Variants in AEN observed in about 807,000 individuals in gnomAD.
AEN encodes the protein apoptosis enhancing nuclease.
In AEN, 21 loss-of-function variants were observed where a neutral mutation model predicts 17.7. The observed-to-expected ratio is 1.19, with a 90% CI of 0.84 to 1.71. The LOEUF is 1.71. Ranked by LOEUF, AEN falls within the 40% of genes most tolerant of loss-of-function variation. The pLI, the probability that AEN is intolerant of heterozygous loss-of-function variation, is 0.00. For missense variants in AEN, 462 were observed against 435.9 expected, an observed-to-expected ratio of 1.06 and a Z score of -0.53; for synonymous variants, 190 against 173.0, an observed-to-expected ratio of 1.10 and a Z score of -0.77.
At chr15:88,611,931 C>T in the AEN span, 8 of 498,608 alleles carry the variant, frequency 1.6e-5, no homozygotes, top group Middle Eastern at 3.9e-4. Context: ...TGCCAGCCAT[C>T]GCAGCGGGGT....
At chr15:88,607,766 A>T in the AEN span, among the ~76,000 whole-genome samples, 2 of 152,014 alleles carry the variant, frequency 1.3e-5, no homozygotes, top group Non-Finnish European at 2.9e-5. Flanking sequence ...ATTTTTATTC[A>T]TTATAATTTC....
At chr15:88,612,092 G>C in the AEN span, among the ~76,000 whole-genome samples, 1,743 of 152,332 alleles carry the variant, frequency 0.011, 13 homozygotes, top group Middle Eastern at 0.02. Context: ...GGTGTGAGCA[G>C]GGAAGTGGGG....
In AEN at chr15:88,631,202, A is replaced by G. The variant is rs548811085; in HGVS notation, c.*908A>G. The G allele has an allele frequency of 5.5e-5, 25 of 456,312 alleles. No individual in the cohort carries two copies. In the East Asian group the frequency reaches 1.7e-3, roughly 32 times the overall value. 28.3% of individuals were successfully genotyped at this position (456,312 alleles called of 1,614,324 possible). ...GATTGTGCCTGACCTTTATTTATTTATTAACAGCAGGGCCACTCGTCTAGG... is the reference window on the plus strand; with the variant it reads ...GATTGTGCCTGACCTTTATTTATTTGTTAACAGCAGGGCCACTCGTCTAGG... On this transcript the variant is annotated 3_prime_UTR_variant, in exon 4 of 4. Coordinates refer to ENST00000332810, the MANE Select transcript of AEN (RefSeq NM_022767.4).
intron 1 of AEN, among the ~76,000 whole-genome samples, chr15:88,624,009 G>A (rs1431032290): frequency 6.6e-6 from 1 of 152,244 alleles, no homozygotes; most frequent in Non-Finnish European, 1.5e-5. Flanking sequence ...TACCTGGAAG[G>A]TTACTGTTGT....
chr15:88,628,484 A>G (rs1439197343), intron 2 of AEN: 1 of 152,506 alleles, frequency 6.6e-6, no homozygotes, highest in African/African-American at 2.4e-5. Context: ...GGAGGTACAC[A>G]TTGTGCAGGC....
At chr15:88,617,400 C>G (rs749377807), upstream of AEN, among the ~76,000 whole-genome samples, 1 of 152,096 alleles carries the variant, frequency 6.6e-6, no homozygotes, top group Non-Finnish European at 1.5e-5. Context: ...ATTATAGGTG[C>G]CCACGACCAT....
At position 88,630,673 on chromosome 15, in the gene AEN, A is replaced by G. The variant is rs2057916870; in HGVS notation, c.*379A>G. ...TCATCATGCTGTGCTAATGAAAGGG[A>G]TCATATCATCCTCTCTGGGGATGGT... On this transcript the variant is annotated 3_prime_UTR_variant, in exon 4 of 4. Coordinates refer to ENST00000332810, the MANE Select transcript of AEN (RefSeq NM_022767.4). The surrounding 1 kb of genome is among the most constrained non-coding windows in gnomAD (Gnocchi z 5.1). The G allele has an allele frequency of 3.9e-6, 1 of 256,670 alleles. No homozygotes were observed. Among genetic ancestry groups the G allele is most frequent in the African/African-American group, 2.2e-5 (1 of 45,412 alleles). 15.9% of individuals were successfully genotyped at this position (256,670 alleles called of 1,614,324 possible).
chr15:88,630,404 C>T lies in AEN; in HGVS notation c.*110C>T. The T allele has an allele frequency of 1.9e-6, 2 of 1,038,284 alleles. No homozygotes were observed. Among genetic ancestry groups the T allele is most frequent in the Non-Finnish European group, 2.8e-6 (2 of 702,402 alleles). The allele number at this position is 1,038,284 out of a possible 1,614,324, so 64.3% of individuals were successfully genotyped here. Reference sequence around the variant, plus strand: ...GCAGGGTGGGGCAGGATGCAGTGAGCCAGCCCCAGGGCCAGAGGAGTAGGG... The same window carrying T: ...GCAGGGTGGGGCAGGATGCAGTGAGTCAGCCCCAGGGCCAGAGGAGTAGGG... On this transcript the variant is annotated 3_prime_UTR_variant, in exon 4 of 4. Coordinates refer to ENST00000332810, the MANE Select transcript of AEN (RefSeq NM_022767.4). The surrounding 1 kb of genome is among the most constrained non-coding windows in gnomAD (Gnocchi z 5.1).
chr15:88,629,303 C>T lies in AEN; in HGVS notation c.618C>T (p.His206=). Residue 206 remains histidine, a synonymous_variant, in exon 3 of 4, where the codon CAC becomes CAT. Coordinates refer to ENST00000332810, the MANE Select transcript of AEN (RefSeq NM_022767.4). ...ACTTCCAGGCGCTCAAGTATGTCCA[C>T]CCTCGGAGCCAGACCCGGGATACGA... ...HNDFQALKYV[H]PRSQTRDTTY... 6.2e-7 allele frequency: 1 copy of T among 1,614,150 alleles called. No homozygotes were observed. Among genetic ancestry groups the T allele is most frequent in the Non-Finnish European group, 8.5e-7 (1 of 1,180,006 alleles).
At chr15:88,611,511 A>T in the AEN span, among the ~76,000 whole-genome samples, 1 of 150,702 alleles carries the variant, frequency 6.6e-6, no homozygotes, top group Admixed American at 6.6e-5. Context: ...TCACTTGAAC[A>T]CTCGAGTCTG....
chr15:88,624,046 A>T (rs1158875697), intron 1 of AEN, among the ~76,000 whole-genome samples: 1 of 152,242 alleles, frequency 6.6e-6, no homozygotes, highest in Non-Finnish European at 1.5e-5. Flanking sequence ...AGCCTCTTCC[A>T]GGAAGCCTCC....
At position 88,630,861 on chromosome 15, in the gene AEN, C is replaced by T; in HGVS notation, c.*567C>T. On this transcript the variant is annotated 3_prime_UTR_variant, in exon 4 of 4. Coordinates refer to ENST00000332810, the MANE Select transcript of AEN (RefSeq NM_022767.4). The surrounding 1 kb of genome is among the most constrained non-coding windows in gnomAD (Gnocchi z 5.1). ...TTAAGTCCTAAAGGAGGCATTTCTT[C>T]CCCACCTCCCTGACCTGGAACTCTG... 3.7e-6 allele frequency: 1 copy of T among 268,894 alleles called. No homozygotes were observed. The highest frequency in any genetic ancestry group is 3.6e-5 in the South Asian group (1 of 27,490). The allele number at this position is 268,894 out of a possible 1,614,324, so 16.7% of individuals were successfully genotyped here. A position where few individuals can be genotyped will look rare whatever the true frequency, so the allele number is the denominator to read the frequency against.
the AEN span, among the ~76,000 whole-genome samples, chr15:88,616,163 G>A: frequency 6.6e-6 from 1 of 151,384 alleles, no homozygotes; most frequent in East Asian, 2.0e-4. Context: ...GCGCCATCTC[G>A]GCTCACTGCA....
At chr15:88,621,035 G>A (rs1440743018), upstream of AEN, among the ~76,000 whole-genome samples, 1 of 152,216 alleles carries the variant, frequency 6.6e-6, no homozygotes, top group Non-Finnish European at 1.5e-5. Context: ...AGGCTTACAG[G>A]AGCCCACATC....
chr15:88,631,768 G>T lies in AEN; in HGVS notation c.*1474G>T, dbSNP rs920677991. 1 of 152,384 alleles carries T rather than the reference G, an allele frequency of 6.6e-6. No individual in the cohort carries two copies. Among genetic ancestry groups the T allele is most frequent in the African/African-American group, 2.4e-5 (1 of 41,448 alleles). The allele number at this position is 152,384 out of a possible 1,614,324, so 9.4% of individuals were successfully genotyped here. On this transcript the variant is annotated 3_prime_UTR_variant, in exon 4 of 4. Coordinates refer to ENST00000332810, the MANE Select transcript of AEN (RefSeq NM_022767.4). Reference sequence around the variant, plus strand: ...CTGTGGCCCAGACAGAACTGCTCCGGCTTGGCTGTTCCAGCAGGTGGGGCG... The same window carrying T: ...CTGTGGCCCAGACAGAACTGCTCCGTCTTGGCTGTTCCAGCAGGTGGGGCG...
chr15:88,610,379 G>A, the AEN span, among the ~76,000 whole-genome samples: 2 of 150,986 alleles, frequency 1.3e-5, no homozygotes. Context: ...ATTAAAGGAT[G>A]GGGAAAGGAG....
the AEN span, among the ~76,000 whole-genome samples, chr15:88,605,738 G>C: frequency 3.3e-5 from 5 of 152,170 alleles, no homozygotes; most frequent in Admixed American, 6.5e-5. This position sits in a 1 kb window ranked among gnomAD's most constrained non-coding sequence, Gnocchi z 7.6. Context: ...GTCGCTACCC[G>C]CTTGGAGTCG....
chr15:88,617,913 T>G (rs919311670), upstream of AEN, among the ~76,000 whole-genome samples: 1 of 152,148 alleles, frequency 6.6e-6, no homozygotes, highest in African/African-American at 2.4e-5. Context: ...TGGCCCACCC[T>G]CAGCCTAAAC....
Position 88,626,238 on chromosome 15 carries a change from C to A in AEN, c.29C>A (p.Ala10Asp). The A allele has an allele frequency of 1.2e-6, 2 of 1,606,682 alleles. No homozygotes were observed. Among genetic ancestry groups the A allele is most frequent in the Non-Finnish European group, 1.7e-6 (2 of 1,175,654 alleles). The change falls in exon 2 of 4, where the codon GCT (alanine) becomes GAT (aspartate). Residue 10 changes from alanine to aspartate, a missense_variant. Transcript: ENST00000332810. ...GTACCCCGGGAGGCCCCTGAGTCTG[C>A]TCAGTGCCTGTGCCCTTCCCTCACC... MVPREAPES[A>D]QCLCPSLTIP...
Sources: gnomAD v4.1 joint callset for allele counts (sites outside exome capture counted in the v4.1 genomes callset) on GRCh38, gnomAD v4.1.1 for gene constraint, Gnocchi (gnomAD v3.1) non-coding constraint, MANE v1.5 for transcripts, NCBI Gene and HGNC (gene_info 2026-07-23, HGNC 2026-07-21) for gene names.